CDC42BPA: variants seen among roughly 807,000 people sequenced by gnomAD.
CDC42BPA encodes the protein serine/threonine-protein kinase MRCK alpha.
In CDC42BPA, 80 loss-of-function variants were observed where a neutral mutation model predicts 223.5. The observed-to-expected ratio is 0.36, with a 90% CI of 0.30 to 0.43. The LOEUF is 0.43. Ranked by LOEUF, CDC42BPA falls within the 20% of genes least tolerant of loss-of-function variation. The pLI is 1.00. For missense variants in CDC42BPA, 1,743 were observed against 2,099.9 expected, an observed-to-expected ratio of 0.83 and a Z score of 3.32; for synonymous variants, 694 against 718.6, an observed-to-expected ratio of 0.97 and a Z score of 0.55.
At chr1:227,196,956 T>TTAATGAGC (rs1178653429) in intron 4 of CDC42BPA, among the ~76,000 whole-genome samples, 1 of 152,160 alleles carries the variant, frequency 6.6e-6, no homozygotes, top group Non-Finnish European at 1.5e-5. Flanking sequence ...AGCTTTGTAT[T>TTAATGAGC]TAATGAGCTT....
rs566198259 is a variant in CDC42BPA, at chr1:227,130,296, G to C, written c.1391-1065C>G. On this transcript the variant is annotated intron_variant, in intron 10 of 36. Coordinates refer to ENST00000366766, the MANE Select transcript of CDC42BPA (RefSeq NM_001394014.1). Reference sequence around the variant, plus strand: ...TGTGTGTGCATATGTACGTGTGTGTGTGTGTAAACCATAATCCCTATATGT... The same window carrying C: ...TGTGTGTGCATATGTACGTGTGTGTCTGTGTAAACCATAATCCCTATATGT... 3.3e-5 allele frequency among the ~76,000 whole-genome samples: 5 copies of C among 152,178 alleles called. No homozygotes were observed. The South Asian group carries it at 1.0e-3, about 32-fold the overall frequency.
chr1:227,069,152 T>C (rs1189195505), intron 21 of CDC42BPA: 1 of 152,088 alleles, frequency 6.6e-6, no homozygotes, highest in Non-Finnish European at 1.5e-5. Flanking sequence ...CAAAGCTACA[T>C]GATTATTATT....
At chr1:227,111,017 T>C (rs1403554493) in intron 14 of CDC42BPA, among the ~76,000 whole-genome samples, 1 of 152,236 alleles carries the variant, frequency 6.6e-6, no homozygotes, top group Non-Finnish European at 1.5e-5. Flanking sequence ...TATAACTGTC[T>C]GTGTTTTCAA....
At chr1:227,048,636 G>C (rs6672902) in intron 22 of CDC42BPA, among the ~76,000 whole-genome samples, 1 of 150,628 alleles carries the variant, frequency 6.6e-6, no homozygotes, top group African/African-American at 2.4e-5. Flanking sequence ...TGTAAAATAT[G>C]GTCTTCTTTT....
At chr1:227,264,983 T>A in intron 1 of CDC42BPA, 1 of 882,830 alleles carries the variant, frequency 1.1e-6, no homozygotes, top group South Asian at 1.3e-5. Flanking sequence ...TGGGCAGTGC[T>A]GCTACCTTTT....
intron 1 of CDC42BPA, among the ~76,000 whole-genome samples, chr1:227,296,325 G>A (rs1356820048): frequency 1.3e-5 from 2 of 152,182 alleles, no homozygotes; most frequent in African/African-American, 4.8e-5. Context: ...GGAAAAGAAT[G>A]AAGTTGGATA....
intron 5 of CDC42BPA, among the ~76,000 whole-genome samples, chr1:227,170,817 T>G (rs1167977040): frequency 2.0e-5 from 3 of 152,214 alleles, no homozygotes; most frequent in Non-Finnish European, 2.9e-5. Context: ...CCAAACCTGC[T>G]TTCTCCAATT....
intron 10 of CDC42BPA, among the ~76,000 whole-genome samples, chr1:227,131,810 A>G (rs1657163776): frequency 6.6e-6 from 1 of 152,202 alleles, no homozygotes. Context: ...ATAAATCCAT[A>G]TTATTTAAGA....
chr1:227,133,013 G>A (rs1007271336), intron 10 of CDC42BPA, among the ~76,000 whole-genome samples: 8 of 151,664 alleles, frequency 5.3e-5, no homozygotes, highest in Admixed American at 1.3e-4. Flanking sequence ...ATCTCCGCCC[G>A]GCAGCCACCC....
rs1477949242 is a variant in CDC42BPA at position 227,194,761 on chromosome 1, C to CAA, written c.451-828_451-827insTT. Among the ~76,000 whole-genome samples, 5 of 152,242 alleles carry CAA rather than the reference C, an allele frequency of 3.3e-5. No homozygotes were observed. The East Asian group carries it at 9.6e-4, about 29-fold the overall frequency. ...TTTTTAAGTGAGGGAGAAAACTAGA[C>CAA]ATAGTGGAAAAATGGGTTTTGTAGT... On this transcript the variant is annotated intron_variant, in intron 4 of 36. Transcript: ENST00000366766.
At chr1:227,179,702 T>C (rs114266395) in intron 5 of CDC42BPA, among the ~76,000 whole-genome samples, 1,458 of 142,884 alleles carry the variant, frequency 0.01, 29 homozygotes, top group African/African-American at 0.035. Flanking sequence ...TCACAATAAT[T>C]TTTAATGAGG....
In CDC42BPA at chr1:227,086,212, C is replaced by T. The variant is rs191216998; in HGVS notation, c.2356-5195G>A. ...TATTCTAGTATATGGGTATGATATG[C>T]TTTGTTTATCATGCACCATTGATAA... On this transcript the variant is annotated intron_variant, in intron 16 of 36. Transcript: ENST00000366766. Among the ~76,000 whole-genome samples, 102 of 152,196 alleles carry T rather than the reference C, an allele frequency of 6.7e-4. 1 individual carries two copies. Among genetic ancestry groups the T allele is most frequent in the Non-Finnish European group, 1.0e-4 (7 of 68,004 alleles).
Position 227,098,355 on chromosome 1 carries a change from G to A in CDC42BPA, c.2249+2637C>T, listed in dbSNP as rs1217097464. On this transcript the variant is annotated intron_variant, in intron 15 of 36. Coordinates refer to ENST00000366766, the MANE Select transcript of CDC42BPA (RefSeq NM_001394014.1). ...CCATGGAAGTGATAAATATTCTCAG[G>A]ATTTTACCTCCTGCCCCCAAATCCA... is the stretch of plus-strand genomic sequence containing the variant. Among the ~76,000 whole-genome samples, 4 of 152,030 alleles carry A rather than the reference G, an allele frequency of 2.6e-5. No homozygotes were observed. In the East Asian group the frequency reaches 5.8e-4, roughly 22 times the overall value.
At chr1:227,007,840 A>G (rs1240335285) in intron 34 of CDC42BPA, among the ~76,000 whole-genome samples, 2 of 152,250 alleles carry the variant, frequency 1.3e-5, no homozygotes, top group Non-Finnish European at 2.9e-5. Context: ...TGGTTTTACA[A>G]GTTTCAGCAA....
chr1:227,262,266 C>G (rs1209236214), intron 1 of CDC42BPA, among the ~76,000 whole-genome samples: 2 of 152,010 alleles, frequency 1.3e-5, no homozygotes, highest in African/African-American at 4.8e-5. Flanking sequence ...ATGAAAAATA[C>G]TGCCACTGAA....
At chr1:227,085,169 C>T (rs1250897504) in intron 16 of CDC42BPA, among the ~76,000 whole-genome samples, 1 of 152,078 alleles carries the variant, frequency 6.6e-6, no homozygotes, top group Non-Finnish European at 1.5e-5. Context: ...CTGCTCCCAA[C>T]ACACATACAT....
Position 226,990,692 on chromosome 1 carries a change from CT to C in CDC42BPA, c.*3575del, listed in dbSNP as rs1447831574. ...CTGTGGTTTTGACCTCTGCTCACCC[CT>C]GCTCTGGCTTTTCCTTAATGATACC... On this transcript the variant is annotated 3_prime_UTR_variant, in exon 37 of 37. Coordinates refer to ENST00000366766, the MANE Select transcript of CDC42BPA (RefSeq NM_001394014.1). The C allele has an allele frequency of 6.5e-6, 1 of 152,698 alleles. No homozygotes were observed. The highest frequency in any genetic ancestry group is 2.4e-5 in the African/African-American group (1 of 41,464). The allele number at this position is 152,698 out of a possible 1,614,324, so 9.5% of individuals were successfully genotyped here. A position where few individuals can be genotyped will look rare whatever the true frequency, so the allele number is the denominator to read the frequency against.
At chr1:227,204,877 G>T (rs1672384594) in intron 3 of CDC42BPA, among the ~76,000 whole-genome samples, 1 of 151,732 alleles carries the variant, frequency 6.6e-6, no homozygotes, top group Non-Finnish European at 1.5e-5. Context: ...TATATATAAA[G>T]ATTTTTACAA....
intron 1 of CDC42BPA, among the ~76,000 whole-genome samples, chr1:227,291,722 GTTTGCATC>G (rs1689732561): frequency 8.0e-6 from 1 of 125,274 alleles, no homozygotes; most frequent in Non-Finnish European, 2.0e-5. Flanking sequence ...CTTCAAACCA[GTTTGCATC>G]AGGTTTTCTG....
Sources: allele counts gnomAD v4.1 joint callset (sites outside exome capture counted in the v4.1 genomes callset), GRCh38; gene constraint gnomAD v4.1.1; transcripts MANE v1.5; gene names NCBI Gene and HGNC (gene_info 2026-07-23, HGNC 2026-07-21).